Variants in KANSL1L observed in about 807,000 individuals in gnomAD.
KANSL1L encodes the protein KAT8 regulatory NSL complex subunit 1 like, also known as KAT8 regulatory NSL complex subunit 1-like protein.
KANSL1L carries 25 observed loss-of-function variants against 108.6 expected under a neutral mutation model. The observed-to-expected ratio is 0.23, with a 90% CI of 0.17 to 0.32. The LOEUF is 0.32. Among genes scored for constraint, KANSL1L ranks in the 10% least tolerant of loss-of-function variants. The probability of loss-of-function intolerance (pLI) is 1.00; values close to 1 mark genes in which losing one functional copy is unlikely to be tolerated. For missense variants in KANSL1L, 1,137 were observed against 1,125.7 expected (o/e 1.01, Z -0.14); for synonymous variants, 405 against 395.1 (o/e 1.03, Z -0.30).
chr2:210,025,535 A>C (rs2093924534), intron 12 of KANSL1L, among the ~76,000 whole-genome samples: 1 of 152,080 alleles, frequency 6.6e-6, no homozygotes, highest in Non-Finnish European at 1.5e-5. Context: ...AGCCTGGGTG[A>C]CAGGGCGAGA....
At chr2:210,085,864 T>C (rs2094632508) in intron 5 of KANSL1L, among the ~76,000 whole-genome samples, 1 of 150,394 alleles carries the variant, frequency 6.6e-6, no homozygotes, top group African/African-American at 2.4e-5. Flanking sequence ...TTTAGGCTTA[T>C]ATTAGAGTTA....
Position 210,028,848 on chromosome 2 carries a change from G to A in KANSL1L, c.2393C>T (p.Pro798Leu). 1 of 1,575,026 alleles carries A rather than the reference G, an allele frequency of 6.3e-7. No individual in the cohort carries two copies. Residue 798 changes from proline (P) to leucine (L), a missense_variant, in exon 11 of 15, where the codon CCA becomes CTA. By Grantham distance (98) the Pro-to-Leu change is moderately conservative. This residue lies in a region of KANSL1L where 575 missense variants were observed against 567.1 expected (regional missense o/e 1.01). Transcript: ENST00000281772. ...EKLQYKEILT[P>L]SWRMVVLQPL... ...ATGAAGATGTAAGTATACATACCTTGGAGTAAGTATTTCCTTATATTGGAG... is the reference window on the plus strand; with the variant it reads ...ATGAAGATGTAAGTATACATACCTTAGAGTAAGTATTTCCTTATATTGGAG...
intron 5 of KANSL1L, among the ~76,000 whole-genome samples, chr2:210,077,252 C>A (rs1477550131): frequency 6.6e-6 from 1 of 151,998 alleles, no homozygotes; most frequent in African/African-American, 2.4e-5. Context: ...TTGATGACAA[C>A]TACCTCACTT....
intron 8 of KANSL1L, chr2:210,032,692 TG>T: frequency 6.6e-6 from 1 of 152,184 alleles, no homozygotes; most frequent in East Asian, 1.9e-4. Context: ...AAATTTCAAA[TG>T]TTGTATAAAT....
chr2:210,041,724 C>T (rs531587052), intron 7 of KANSL1L, among the ~76,000 whole-genome samples: 6 of 152,266 alleles, frequency 3.9e-5, no homozygotes, highest in African/African-American at 1.4e-4. Flanking sequence ...AGGCATGAGC[C>T]ACTGTGCCCA....
At chr2:210,129,990 C>CAAAA (rs11439121) in intron 2 of KANSL1L, among the ~76,000 whole-genome samples, 3 of 135,836 alleles carry the variant, frequency 2.2e-5, no homozygotes, top group South Asian at 2.2e-4. Context: ...ATGCAGATTG[C>CAAAA]AAAAAAAAAA....
Position 210,129,067 on chromosome 2 carries a change from T to C in KANSL1L, c.1194A>G (p.Gln398=). 1 of 1,613,940 alleles carries C rather than the reference T, an allele frequency of 6.2e-7. No individual in the cohort carries two copies. Among genetic ancestry groups the C allele is most frequent in the Non-Finnish European group, 8.5e-7 (1 of 1,179,852 alleles). The part of the protein sequence containing the change: ...QISDLECKIQ[Q]LTDIHRQIRA... ...GAATTTGCCTGTGAATGTCTGTTAG[T>C]TGTTGGATTTTGCATTCTAGGTCTG... is the stretch of plus-strand genomic sequence containing the variant. The change falls in exon 3 of 15, where the codon CAA becomes CAG. Residue 398 remains glutamine (Q), a synonymous_variant. Transcript: ENST00000281772.
chr2:210,164,020 T>C (rs1406797942), intron 1 of KANSL1L, among the ~76,000 whole-genome samples: 5 of 152,112 alleles, frequency 3.3e-5, no homozygotes, highest in South Asian at 4.1e-4. Context: ...AACATTAGTA[T>C]AGAATGTAAC....
chr2:210,036,647 C>A (rs1159876471), intron 8 of KANSL1L, among the ~76,000 whole-genome samples: 1 of 152,184 alleles, frequency 6.6e-6, no homozygotes, highest in Admixed American at 6.5e-5. Context: ...AAATCACTAA[C>A]AGCAAAAGAA....
rs1433206078 is a variant in KANSL1L, at chr2:210,131,742, C to T, written c.1089-2570G>A. Among the ~76,000 whole-genome samples, 4 of 150,532 alleles carry T rather than the reference C, an allele frequency of 2.7e-5. No individual in the cohort carries two copies. The East Asian group carries it at 7.8e-4, about 29-fold the overall frequency. Reference sequence around the variant, plus strand: ...TTTTTTTTAGTTTTGCTGTGTCGTCCAGGCTGGAGTGCAGCGGTGCGATCT... The same window carrying T: ...TTTTTTTTAGTTTTGCTGTGTCGTCTAGGCTGGAGTGCAGCGGTGCGATCT... On this transcript the variant is annotated intron_variant, in intron 2 of 14. Transcript: ENST00000281772.
At chr2:210,129,555 GAC>G (rs2095100960) in intron 2 of KANSL1L, among the ~76,000 whole-genome samples, 1 of 152,118 alleles carries the variant, frequency 6.6e-6, no homozygotes, top group African/African-American at 2.4e-5. Context: ...TCAAGTACCA[GAC>G]AATCCATTTG....
At chr2:210,090,246 A>G (rs999273370) in intron 5 of KANSL1L, among the ~76,000 whole-genome samples, 1 of 152,132 alleles carries the variant, frequency 6.6e-6, no homozygotes, top group Non-Finnish European at 1.5e-5. Flanking sequence ...TCACACAACC[A>G]TATACTGTCT....
intron 4 of KANSL1L, among the ~76,000 whole-genome samples, chr2:210,103,754 A>C (rs1016662919): frequency 6.6e-5 from 10 of 152,162 alleles, no homozygotes; most frequent in Non-Finnish European, 1.0e-4. Flanking sequence ...TTAGTCAAAC[A>C]ACCATTCAGA....
At chr2:210,028,551 A>G in intron 11 of KANSL1L, 1 of 196,232 alleles carries the variant, frequency 5.1e-6, no homozygotes, top group Non-Finnish European at 1.0e-5. Context: ...ATGTCACTAA[A>G]GTACCTTTTA....
intron 3 of KANSL1L, among the ~76,000 whole-genome samples, chr2:210,110,222 G>C (rs1428724525): frequency 2.0e-5 from 3 of 152,136 alleles, no homozygotes; most frequent in African/African-American, 7.2e-5. Context: ...AGTTCTGATG[G>C]AAAATCCACA....
intron 10 of KANSL1L, 98 bp from the exon 11 acceptor site, chr2:210,029,067 A>G: frequency 9.7e-7 from 1 of 1,026,598 alleles, no homozygotes; most frequent in Admixed American, 2.8e-5. Flanking sequence ...TACACGTTAC[A>G]TAATTTTTGT....
intron 6 of KANSL1L, among the ~76,000 whole-genome samples, chr2:210,075,140 A>G (rs1287777470): frequency 3.9e-5 from 6 of 152,200 alleles, no homozygotes; most frequent in African/African-American, 1.4e-4. Context: ...AAGGAAAGCA[A>G]CGTTACTTCT....
intron 2 of KANSL1L, among the ~76,000 whole-genome samples, chr2:210,139,840 C>T (rs1192408427): frequency 2.0e-5 from 3 of 150,940 alleles, no homozygotes; most frequent in South Asian, 2.1e-4. Flanking sequence ...CTCCTGGGCT[C>T]GAGTGATCTT....
At chr2:210,026,283 A>G (rs1020577125) in intron 12 of KANSL1L, 1 of 152,236 alleles carries the variant, frequency 6.6e-6, no homozygotes, top group Non-Finnish European at 1.5e-5. Flanking sequence ...GTCATCTTCT[A>G]GAGACCATCA....
Sources: allele counts gnomAD v4.1 joint callset (sites outside exome capture counted in the v4.1 genomes callset), GRCh38; gene constraint gnomAD v4.1.1; regional missense constraint gnomAD v4.1.1; transcripts MANE v1.5; gene names NCBI Gene and HGNC (gene_info 2026-07-23, HGNC 2026-07-21).